RELN: variants seen among roughly 807,000 people sequenced by gnomAD.
RELN encodes the protein reelin.
A neutral mutation model predicts 427.6 loss-of-function variants in RELN; 108 were observed. The observed-to-expected ratio is 0.25, with a 90% CI of 0.22 to 0.30. The LOEUF is 0.30. Among genes scored for constraint, RELN ranks in the 10% least tolerant of loss-of-function variants. The pLI is 1.00. For synonymous variants in RELN, 1,524 were observed against 1,513.4 expected, an observed-to-expected ratio of 1.01 and a Z score of -0.16; for missense variants, 3,715 against 4,302.8, an observed-to-expected ratio of 0.86 and a Z score of 3.82.
chr7:103,939,683 A>C (rs1796067864), intron 1 of RELN, among the ~76,000 whole-genome samples: 1 of 152,234 alleles, frequency 6.6e-6, no homozygotes, highest in East Asian at 1.9e-4. Context: ...TTTATGTTTA[A>C]TACTATATAC....
Position 103,799,468 on chromosome 7 carries a change from C to A in RELN, c.474-22841G>T, listed in dbSNP as rs189791222. Among the ~76,000 whole-genome samples the A allele has an allele frequency of 2.0e-3, 305 of 152,272 alleles. 2 individuals carry two copies. Among genetic ancestry groups the A allele is most frequent in the African/African-American group, 7.1e-3 (293 of 41,536 alleles). The stretch of plus-strand genomic sequence containing the variant: ...TCTGTCACCTCTCACACTTACAGCC[C>A]AGTTCATGCTTTCAGTTCCTCTAAC... On this transcript the variant is annotated intron_variant, in intron 3 of 64. Transcript: ENST00000428762.
intron 2 of RELN, among the ~76,000 whole-genome samples, chr7:103,865,863 T>C (rs1408064352): frequency 6.6e-6 from 1 of 152,128 alleles, no homozygotes; most frequent in Non-Finnish European, 1.5e-5. Context: ...CACTCTCACC[T>C]CTTCTATTCA....
intron 1 of RELN, among the ~76,000 whole-genome samples, chr7:103,931,953 T>G (rs951869965): frequency 2.0e-5 from 3 of 152,138 alleles, no homozygotes; most frequent in African/African-American, 7.2e-5. Flanking sequence ...GTAAATTAGT[T>G]CAACCATTGT....
At chr7:103,556,197 T>A (rs1222326937) in intron 38 of RELN, among the ~76,000 whole-genome samples, 1 of 152,154 alleles carries the variant, frequency 6.6e-6, no homozygotes, top group African/African-American at 2.4e-5. Flanking sequence ...TCTAAGTCCC[T>A]CTCACTTCGT....
intron 3 of RELN, among the ~76,000 whole-genome samples, chr7:103,832,612 G>A (rs1308667446): frequency 1.3e-5 from 2 of 152,164 alleles, no homozygotes; most frequent in Non-Finnish European, 2.9e-5. Context: ...ACTGCAGGGT[G>A]AATGAGGGGT....
intron 1 of RELN, among the ~76,000 whole-genome samples, chr7:103,958,774 G>A (rs1796488314): frequency 6.7e-6 from 1 of 150,312 alleles, no homozygotes; most frequent in Non-Finnish European, 1.5e-5. Context: ...ACTAAAATCT[G>A]CAAGAAAAAA....
chr7:103,552,794 C>G (rs896354252), intron 40 of RELN, among the ~76,000 whole-genome samples: 4 of 152,040 alleles, frequency 2.6e-5, no homozygotes, highest in African/African-American at 9.7e-5. Context: ...GCCACCACGC[C>G]TGGCTGATAA....
rs528545549 is a variant in RELN, at chr7:103,693,192, C to T, written c.1143+4661G>A. Among the ~76,000 whole-genome samples, 653 of 152,184 alleles carry T rather than the reference C, an allele frequency of 4.3e-3. 2 individuals are homozygous for T. The highest frequency in any genetic ancestry group is 7.6e-3 in the Non-Finnish European group (514 of 67,988). ...TGGAAGGATGAGTTCATGTCCTTTGCAGGGACATGGATGAAGCTGGAAGCC... is the reference window on the plus strand; with the variant it reads ...TGGAAGGATGAGTTCATGTCCTTTGTAGGGACATGGATGAAGCTGGAAGCC... On this transcript the variant is annotated intron_variant, in intron 10 of 64. Coordinates refer to ENST00000428762, the MANE Select transcript of RELN (RefSeq NM_005045.4).
At chr7:103,581,227 C>A (rs1480763469) in intron 28 of RELN, among the ~76,000 whole-genome samples, 1 of 152,094 alleles carries the variant, frequency 6.6e-6, no homozygotes, top group Non-Finnish European at 1.5e-5. Flanking sequence ...GAGGAGGGAG[C>A]CCTAGTAACA....
rs78592286 is a variant in RELN at position 103,883,973 on chromosome 7, C to A, written c.337+33102G>T. On this transcript the variant is annotated intron_variant, in intron 2 of 64. Transcript: ENST00000428762. The stretch of plus-strand genomic sequence containing the variant: ...GAACCAAAAAAAGTCCATATAGCCA[C>A]GACAATCCTAAGCAAAAAGAGCAAT... 4.0e-3 allele frequency among the ~76,000 whole-genome samples: 604 copies of A among 152,144 alleles called. 23 individuals carry two copies. The East Asian group carries it at 0.073, about 18-fold the overall frequency.
chr7:103,498,490 C>T (rs905096365), intron 53 of RELN, among the ~76,000 whole-genome samples: 8 of 128,948 alleles, frequency 6.2e-5, no homozygotes, highest in Admixed American at 5.9e-4. Context: ...GTAAAGTTGA[C>T]TATATCAATT....
At chr7:103,774,619 A>C (rs1232051572) in intron 4 of RELN, among the ~76,000 whole-genome samples, 2 of 152,248 alleles carry the variant, frequency 1.3e-5, no homozygotes, top group Non-Finnish European at 2.9e-5. Context: ...ATACATAAAA[A>C]ATGATTACAT....
intron 57 of RELN, among the ~76,000 whole-genome samples, chr7:103,492,336 GACAGAA>G (rs1171398247): frequency 2.0e-5 from 3 of 152,160 alleles, no homozygotes; most frequent in Non-Finnish European, 2.9e-5. Context: ...CAAATTTATA[GACAGAA>G]ACTGAAAGTA....
At chr7:103,932,796 T>A in intron 1 of RELN, among the ~76,000 whole-genome samples, 1 of 152,122 alleles carries the variant, frequency 6.6e-6, no homozygotes, top group East Asian at 1.9e-4. Context: ...TTCAAAACTA[T>A]CTTACTTGAA....
At chr7:103,482,657 G>T in intron 63 of RELN, 1 of 517,014 alleles carries the variant, frequency 1.9e-6, no homozygotes, top group Non-Finnish European at 2.5e-6. Flanking sequence ...TTGTGCTTAT[G>T]GAAGTTTTCT....
intron 4 of RELN, among the ~76,000 whole-genome samples, chr7:103,762,873 A>G (rs554126639): frequency 6.6e-6 from 1 of 152,344 alleles, no homozygotes; most frequent in Non-Finnish European, 1.5e-5. Flanking sequence ...TGAACAAGAT[A>G]ATAAAGGGGG....
chr7:103,813,566 A>T (rs1001505207), intron 3 of RELN, among the ~76,000 whole-genome samples: 5 of 148,966 alleles, frequency 3.4e-5, no homozygotes, highest in Non-Finnish European at 7.4e-5. Context: ...ATTTTTGTAC[A>T]TACATATATA....
At chr7:103,499,831 TTGAG>T (rs1828964459) in intron 53 of RELN, among the ~76,000 whole-genome samples, 1 of 152,178 alleles carries the variant, frequency 6.6e-6, no homozygotes, top group African/African-American at 2.4e-5. Flanking sequence ...CTAATAAAAT[TTGAG>T]TGCTCATGAA....
intron 20 of RELN, among the ~76,000 whole-genome samples, chr7:103,617,038 T>C (rs1486428828): frequency 6.6e-6 from 1 of 152,178 alleles, no homozygotes; most frequent in East Asian, 1.9e-4. Context: ...ATGACTGAGG[T>C]GCCACTGCTT....
Sources: allele counts gnomAD v4.1 joint callset (sites outside exome capture counted in the v4.1 genomes callset), GRCh38; gene constraint gnomAD v4.1.1; transcripts MANE v1.5; gene names NCBI Gene and HGNC (gene_info 2026-07-23, HGNC 2026-07-21).